The following CNOT10 variants were observed in gnomAD, a reference collection of about 807,000 sequenced individuals.
CNOT10 encodes the protein CCR4-NOT transcription complex, subunit 10.
In CNOT10, 30 loss-of-function variants were observed where a neutral mutation model predicts 94.6. The ratio of observed to expected loss-of-function variants is 0.32; its 90% CI spans 0.24 to 0.43. CNOT10 has a LOEUF of 0.43. CNOT10 is among the 20% of genes least tolerant of loss of function. CNOT10 has a pLI of 1.00. For missense variants in CNOT10, 759 were observed against 877.2 expected, an observed-to-expected ratio of 0.87 and a Z score of 1.70; for synonymous variants, 289 against 301.6, an observed-to-expected ratio of 0.96 and a Z score of 0.43.
chr3:32,711,958 T>C (rs2125531716), intron 4 of CNOT10, among the ~76,000 whole-genome samples: 1 of 152,338 alleles, frequency 6.6e-6, no homozygotes, highest in South Asian at 2.1e-4. Context: ...CTTTAAAGGC[T>C]TTTGAAATTT....
At chr3:32,692,437 G>C (rs1417305228) in intron 1 of CNOT10, among the ~76,000 whole-genome samples, 2 of 152,058 alleles carry the variant, frequency 1.3e-5, no homozygotes. Flanking sequence ...ATTTCTACAG[G>C]CTTGATTAGA....
rs1016879050 is a variant in CNOT10, at chr3:32,719,385, A to T, written c.745-729A>T. 3.3e-5 allele frequency among the ~76,000 whole-genome samples: 5 copies of T among 152,294 alleles called. No homozygotes were observed. In the East Asian group the frequency reaches 9.7e-4, roughly 29 times the overall value. On this transcript the variant is annotated intron_variant, in intron 7 of 18. Transcript: ENST00000328834. ...CAGTGATCCGAGATCATGCCACTGT[A>T]CTCCAGCCTGGGTGACAGAGCAAGA... is the stretch of plus-strand genomic sequence containing the variant.
chr3:32,769,784 A>G (rs1456270269), intron 17 of CNOT10, 103 bp from the exon 18 acceptor site: 1 of 871,974 alleles, frequency 1.1e-6, no homozygotes, highest in African/African-American at 1.6e-5. Flanking sequence ...TCACGTGGGA[A>G]TGAGCTTGAA....
In CNOT10 at chr3:32,704,968, A is replaced by T; in HGVS notation, c.275A>T (p.Asn92Ile). The change falls in exon 3 of 19, where the codon AAT becomes ATT. Residue 92 changes from asparagine to isoleucine, a missense_variant. Asn to Ile is a moderately radical substitution (Grantham distance 149, BLOSUM62 -3). This residue lies in a region of CNOT10 where 682 missense variants were observed against 799.4 expected (regional missense o/e 0.85). Transcript: ENST00000328834. ...NLRQTLNQLK[N>I]QVHSAVEEMD... ...AGACAAACACTTAACCAGCTGAAGA[A>T]TCAGGTGATACATAAATGAATTTAA... The T allele has an allele frequency of 6.6e-7, 1 of 1,524,434 alleles. No homozygotes were observed. The highest frequency in any genetic ancestry group is 8.7e-7 in the Non-Finnish European group (1 of 1,146,320). 94.4% of individuals were successfully genotyped at this position (1,524,434 alleles called of 1,614,324 possible).
At chr3:32,727,384 CG>C in intron 9 of CNOT10, among the ~76,000 whole-genome samples, 1 of 152,172 alleles carries the variant, frequency 6.6e-6, no homozygotes, top group Admixed American at 6.5e-5. Flanking sequence ...GGAGTGAGAG[CG>C]GGTCCCATCA....
chr3:32,691,068 T>C (rs1381840868), intron 1 of CNOT10, among the ~76,000 whole-genome samples: 1 of 148,518 alleles, frequency 6.7e-6, no homozygotes, highest in African/African-American at 2.5e-5. Flanking sequence ...CGATCTTTGC[T>C]CATTGCAACC....
chr3:32,737,127 A>C (rs1699223523), intron 12 of CNOT10, among the ~76,000 whole-genome samples: 1 of 152,138 alleles, frequency 6.6e-6, no homozygotes, highest in Admixed American at 6.5e-5. Context: ...CAGCCTTGCT[A>C]ACATGGTGAA....
At chr3:32,770,412 G>A (rs1023746010) in intron 18 of CNOT10, among the ~76,000 whole-genome samples, 4 of 134,956 alleles carry the variant, frequency 3.0e-5, no homozygotes, top group Admixed American at 1.7e-4. Context: ...TGCAAGTTCC[G>A]CCTCCCGGGT....
rs1337490145 is a variant in CNOT10 at position 32,688,449 on chromosome 3, TAGCC to T, written c.22+2970_22+2973del. Reference sequence around the variant, plus strand: ...CCCCATCTACTAAAAATACAAAAATTAGCCAGGCATGCTGGCGCACACCTGTAAT... The same window carrying T: ...CCCCATCTACTAAAAATACAAAAATTAGGCATGCTGGCGCACACCTGTAAT... On this transcript the variant is annotated intron_variant, in intron 1 of 18. Coordinates refer to ENST00000328834, the MANE Select transcript of CNOT10 (RefSeq NM_015442.3). 2.6e-5 allele frequency among the ~76,000 whole-genome samples: 4 copies of T among 151,422 alleles called. 1 individual carries two copies. Among genetic ancestry groups the T allele is most frequent in the Non-Finnish European group, 5.9e-5 (4 of 67,890 alleles).
chr3:32,713,401 T>C lies in CNOT10; in HGVS notation c.573+32T>C, dbSNP rs762223721. On this transcript the variant is annotated intron_variant, in intron 5 of 18. Coordinates refer to ENST00000328834, the MANE Select transcript of CNOT10 (RefSeq NM_015442.3). The stretch of plus-strand genomic sequence containing the variant: ...CTTTAGAGGTGATCAGACTAAAATC[T>C]AAAATGTGATTAATTCTCTCTACTT... The C allele has an allele frequency of 4.0e-6, 6 of 1,512,574 alleles. No individual in the cohort carries two copies. In the South Asian group the frequency reaches 7.5e-5, roughly 19 times the overall value. 93.7% of individuals were successfully genotyped at this position (1,512,574 alleles called of 1,614,324 possible).
rs554987724 is a variant in CNOT10, at chr3:32,750,424, C to T, written c.1596-9034C>T. ...ACAGAATTGCTTGAACCCCGGAGGC[C>T]GAAGTTGCAGTGAGCCAAGATCGCA... is the stretch of plus-strand genomic sequence containing the variant. On this transcript the variant is annotated intron_variant, in intron 13 of 18. Coordinates refer to ENST00000328834, the MANE Select transcript of CNOT10 (RefSeq NM_015442.3). Among the ~76,000 whole-genome samples the T allele has an allele frequency of 3.3e-5, 5 of 151,904 alleles. No homozygotes were observed. In the East Asian group the frequency reaches 5.8e-4, roughly 18 times the overall value.
intron 10 of CNOT10, among the ~76,000 whole-genome samples, chr3:32,732,349 C>T (rs901240331): frequency 5.3e-5 from 8 of 151,896 alleles, no homozygotes; most frequent in African/African-American, 1.9e-4. Flanking sequence ...GAGACAACAC[C>T]GCTGCACCCA....
At chr3:32,745,108 G>A (rs1575278380) in intron 13 of CNOT10, among the ~76,000 whole-genome samples, 1 of 151,958 alleles carries the variant, frequency 6.6e-6, no homozygotes, top group Non-Finnish European at 1.5e-5. Flanking sequence ...TGAACTCCTG[G>A]CCTCAAGCGA....
intron 13 of CNOT10, among the ~76,000 whole-genome samples, chr3:32,752,046 C>T (rs974074018): frequency 1.2e-4 from 19 of 152,046 alleles, no homozygotes; most frequent in Non-Finnish European, 2.4e-4. Flanking sequence ...CCCAGCACTT[C>T]GGAAGTTCGA....
rs185776259 is a variant in CNOT10, at chr3:32,721,525, A to G, written c.862+1294A>G. ...TAATATGTTTTTACTTTTTTCTGCC[A>G]TAAAGCCAGTTAATAATATAATTTT... is the stretch of plus-strand genomic sequence containing the variant. On this transcript the variant is annotated intron_variant, in intron 8 of 18. Coordinates refer to ENST00000328834, the MANE Select transcript of CNOT10 (RefSeq NM_015442.3). Among the ~76,000 whole-genome samples the G allele has an allele frequency of 4.4e-3, 633 of 143,460 alleles. 5 individuals carry two copies. Among genetic ancestry groups the G allele is most frequent in the Non-Finnish European group, 5.9e-3 (397 of 66,934 alleles). The allele number at this position is 143,460 out of a possible 152,430, so 94.1% of individuals were successfully genotyped here. A position where few individuals can be genotyped will look rare whatever the true frequency, so the allele number is the denominator to read the frequency against.
At chr3:32,690,398 G>T (rs1203467342) in intron 1 of CNOT10, among the ~76,000 whole-genome samples, 1 of 151,910 alleles carries the variant, frequency 6.6e-6, no homozygotes, top group Non-Finnish European at 1.5e-5. Context: ...GTTTTGTTTT[G>T]TTTTGAGACA....
chr3:32,722,858 C>G (rs914741451), intron 8 of CNOT10, among the ~76,000 whole-genome samples: 2 of 152,134 alleles, frequency 1.3e-5, no homozygotes, highest in Non-Finnish European at 2.9e-5. Flanking sequence ...ATGGCATGCG[C>G]CTGTATTCCC....
chr3:32,703,130 T>A (rs557784798), intron 1 of CNOT10, among the ~76,000 whole-genome samples: 1 of 151,092 alleles, frequency 6.6e-6, no homozygotes, highest in Non-Finnish European at 1.5e-5. Flanking sequence ...TTCACCGTGT[T>A]AGCCAGGATG....
intron 10 of CNOT10, among the ~76,000 whole-genome samples, chr3:32,732,506 AG>A (rs1224981124): frequency 6.6e-6 from 1 of 151,962 alleles, no homozygotes; most frequent in Non-Finnish European, 1.5e-5. Flanking sequence ...GGATCACTTG[AG>A]CCCAGGAGGC....
Sources: gnomAD v4.1 joint callset for allele counts (sites outside exome capture counted in the v4.1 genomes callset) on GRCh38, gnomAD v4.1.1 for gene constraint, gnomAD v4.1.1 regional missense constraint, MANE v1.5 for transcripts, NCBI Gene and HGNC (gene_info 2026-07-23, HGNC 2026-07-21) for gene names.